IL1RAPL1: variants seen among roughly 807,000 people sequenced by gnomAD.
IL1RAPL1 encodes the protein interleukin-1 receptor accessory protein-like 1.
A neutral mutation model predicts 48.4 loss-of-function variants in IL1RAPL1; 3 were observed. The observed-to-expected ratio is 0.06, with a 90% CI of 0.03 to 0.16. The LOEUF is 0.16. Among genes scored for constraint, IL1RAPL1 ranks in the 10% least tolerant of loss-of-function variants. The pLI is 1.00. For missense variants in IL1RAPL1, 349 were observed against 530.6 expected, an observed-to-expected ratio of 0.66 and a Z score of 3.36; for synonymous variants, 185 against 187.7, an observed-to-expected ratio of 0.99 and a Z score of 0.12.
At chrX:29,081,170 C>T (rs963842887) in intron 2 of IL1RAPL1, among the ~76,000 whole-genome samples, 1 of 105,384 alleles carries the variant, frequency 9.5e-6, no homozygotes, top group East Asian at 2.9e-4. Context: ...TCTCCTGCCT[C>T]GGCCTCCTGA....
chrX:29,087,134 A>AATTT (rs1161165717), intron 2 of IL1RAPL1, among the ~76,000 whole-genome samples: 1 of 84,699 alleles, frequency 1.2e-5, no homozygotes, highest in African/African-American at 5.0e-5. Context: ...TTATTTAAAA[A>AATTT]TTTTTTTTTT....
chrX:29,167,164 A>G (rs1473365137), intron 2 of IL1RAPL1, among the ~76,000 whole-genome samples: 1 of 111,509 alleles, frequency 9.0e-6, no homozygotes, highest in Non-Finnish European at 1.9e-5. Context: ...ATTCTCAGTA[A>G]GTATTTCCTA....
chrX:29,461,365 C>T (rs965132474), intron 5 of IL1RAPL1, among the ~76,000 whole-genome samples: 4 of 111,600 alleles, frequency 3.6e-5, no homozygotes, highest in Non-Finnish European at 7.5e-5. Context: ...TTGGAAAACA[C>T]TTTTGCAATA....
chrX:29,051,160 G>A (rs1363480948), intron 2 of IL1RAPL1, among the ~76,000 whole-genome samples: 1 of 111,994 alleles, frequency 8.9e-6, no homozygotes, highest in Non-Finnish European at 1.9e-5. Flanking sequence ...CTGTCAAACC[G>A]GAACATGTGT....
intron 6 of IL1RAPL1, among the ~76,000 whole-genome samples, chrX:29,912,557 A>G (rs1385229175): frequency 2.7e-5 from 3 of 112,046 alleles, no homozygotes; most frequent in Non-Finnish European, 5.6e-5. Flanking sequence ...GTCTATGGAG[A>G]AAGGAGAAGA....
chrX:29,091,766 C>G (rs1928096466), intron 2 of IL1RAPL1, among the ~76,000 whole-genome samples: 1 of 110,635 alleles, frequency 9.0e-6, no homozygotes, highest in Non-Finnish European at 1.9e-5. Flanking sequence ...AGTGCCATAA[C>G]CTAAAAACAA....
intron 1 of IL1RAPL1, among the ~76,000 whole-genome samples, chrX:28,713,893 A>G (rs1317456418): frequency 8.9e-6 from 1 of 111,790 alleles, no homozygotes; most frequent in Non-Finnish European, 1.9e-5. Flanking sequence ...CCTTGATTGA[A>G]ATGTAAAGTT....
At chrX:28,595,428 A>G (rs1257046889) in intron 1 of IL1RAPL1, among the ~76,000 whole-genome samples, 1 of 112,529 alleles carries the variant, frequency 8.9e-6, no homozygotes, top group South Asian at 3.6e-4. Flanking sequence ...TCTAGAAAAG[A>G]TGCCATTAAC....
At chrX:28,721,824 T>G (rs1308781332) in intron 1 of IL1RAPL1, among the ~76,000 whole-genome samples, 4 of 111,130 alleles carry the variant, frequency 3.6e-5, no homozygotes, top group African/African-American at 1.3e-4. Context: ...GCTAGCCAGT[T>G]TTCCCAGCAC....
intron 5 of IL1RAPL1, among the ~76,000 whole-genome samples, chrX:29,521,537 G>T (rs2147772992): frequency 8.9e-6 from 1 of 112,710 alleles, no homozygotes; most frequent in African/African-American, 3.2e-5. Context: ...CAAAGCCCGT[G>T]AACAGCACAT....
At chrX:29,749,562 T>C (rs1281998689) in intron 6 of IL1RAPL1, among the ~76,000 whole-genome samples, 1 of 111,735 alleles carries the variant, frequency 8.9e-6, no homozygotes, top group Non-Finnish European at 1.9e-5. Context: ...CTATATACAA[T>C]CTTTTATGTT....
At chrX:29,444,797 C>T (rs1236819380) in intron 5 of IL1RAPL1, among the ~76,000 whole-genome samples, 1 of 111,761 alleles carries the variant, frequency 8.9e-6, no homozygotes, top group Non-Finnish European at 1.9e-5. Flanking sequence ...ACCTACCATC[C>T]ACAGTCAGTC....
At chrX:29,848,784 G>C (rs983942138) in intron 6 of IL1RAPL1, among the ~76,000 whole-genome samples, 1 of 110,341 alleles carries the variant, frequency 9.1e-6, no homozygotes, top group Non-Finnish European at 1.9e-5. Flanking sequence ...ATTTTATTTT[G>C]AGACAGAGTC....
chrX:29,066,320 C>G (rs958987162), intron 2 of IL1RAPL1, among the ~76,000 whole-genome samples: 3 of 112,373 alleles, frequency 2.7e-5, no homozygotes, highest in African/African-American at 9.7e-5. Flanking sequence ...CATAGTCACT[C>G]TGGGATGACA....
At chrX:29,774,595 G>A (rs1046258371) in intron 6 of IL1RAPL1, among the ~76,000 whole-genome samples, 15 of 111,406 alleles carry the variant, frequency 1.3e-4, no homozygotes, top group Admixed American at 2.9e-4. Flanking sequence ...ATTTTTATAC[G>A]TAAAATTTCT....
At chrX:28,930,681 A>T (rs1237328459) in intron 2 of IL1RAPL1, among the ~76,000 whole-genome samples, 2 of 111,752 alleles carry the variant, frequency 1.8e-5, no homozygotes, top group African/African-American at 6.5e-5. Flanking sequence ...TCACTCTGTT[A>T]CCCAGGCTGG....
chrX:29,050,314 C>T (rs199765770), intron 2 of IL1RAPL1, among the ~76,000 whole-genome samples: 1 of 111,699 alleles, frequency 9.0e-6, no homozygotes, highest in East Asian at 2.8e-4. Context: ...TTATGGGTAA[C>T]TCATCCACTT....
intron 6 of IL1RAPL1, among the ~76,000 whole-genome samples, chrX:29,705,067 G>A (rs893091921): frequency 1.2e-4 from 13 of 111,260 alleles, no homozygotes; most frequent in East Asian, 2.8e-4. Flanking sequence ...TAAATTCATC[G>A]TTCAATATTA....
At chrX:29,621,935 C>T (rs965347219) in intron 5 of IL1RAPL1, among the ~76,000 whole-genome samples, 3 of 111,842 alleles carry the variant, frequency 2.7e-5, no homozygotes, top group South Asian at 3.7e-4. Flanking sequence ...CTCCTTCCTA[C>T]GCTGTGGTAA....
Sources: allele counts gnomAD v4.1 joint callset (sites outside exome capture counted in the v4.1 genomes callset), GRCh38; gene constraint gnomAD v4.1.1; transcripts MANE v1.5; gene names NCBI Gene and HGNC (gene_info 2026-07-23, HGNC 2026-07-21).